The following METTL15 variants were observed in gnomAD, a reference collection of about 807,000 sequenced individuals.
METTL15 encodes the protein methyltransferase 15, mitochondrial 12S rRNA N4-cytidine.
A neutral mutation model predicts 38.3 loss-of-function variants in METTL15; 34 were observed. The ratio of observed to expected loss-of-function variants is 0.89; its 90% CI spans 0.68 to 1.18. METTL15 has a LOEUF of 1.18. Among genes scored for constraint, METTL15 ranks in the 50% most tolerant of loss-of-function variants. The pLI is 0.00. For missense variants in METTL15, 438 were observed against 498.4 expected, an observed-to-expected ratio of 0.88 and a Z score of 1.15; for synonymous variants, 162 against 170.9, an observed-to-expected ratio of 0.95 and a Z score of 0.41.
At chr11:28,227,743 A>G (rs1443093546) in intron 4 of METTL15, among the ~76,000 whole-genome samples, 1 of 151,848 alleles carries the variant, frequency 6.6e-6, no homozygotes, top group Non-Finnish European at 1.5e-5. Context: ...TTTTAAAAGA[A>G]TAGTCTTCTT....
intron 5 of METTL15, among the ~76,000 whole-genome samples, chr11:28,422,840 C>A (rs1409143806): frequency 6.6e-6 from 1 of 151,846 alleles, no homozygotes; most frequent in East Asian, 1.9e-4. Flanking sequence ...CAAAAATGGA[C>A]AAATGGGATC....
chr11:28,450,789 C>A (rs1005677227), intron 6 of METTL15, among the ~76,000 whole-genome samples: 1 of 152,130 alleles, frequency 6.6e-6, no homozygotes, highest in African/African-American at 2.4e-5. Flanking sequence ...CAAAGGCAAT[C>A]GTAATCCTGA....
chr11:28,252,814 C>T (rs539901817), intron 4 of METTL15, among the ~76,000 whole-genome samples: 36 of 152,232 alleles, frequency 2.4e-4, no homozygotes, highest in African/African-American at 6.0e-4. Flanking sequence ...AAGTTGTCCA[C>T]GTCCACTCCC....
intron 6 of METTL15, among the ~76,000 whole-genome samples, chr11:28,328,653 A>T (rs1296482296): frequency 6.6e-6 from 1 of 152,088 alleles, no homozygotes; most frequent in Non-Finnish European, 1.5e-5. Flanking sequence ...TCTATTGAAC[A>T]TTATACATTA....
At chr11:28,342,901 A>C (rs868138186) in intron 3 of METTL15, among the ~76,000 whole-genome samples, 21 of 152,220 alleles carry the variant, frequency 1.4e-4, no homozygotes, top group Admixed American at 9.2e-4. Flanking sequence ...ACATTTGATA[A>C]TGTGCTTTTG....
At chr11:28,450,903 C>A (rs575975895) in intron 6 of METTL15, among the ~76,000 whole-genome samples, 1 of 152,222 alleles carries the variant, frequency 6.6e-6, no homozygotes, top group East Asian at 1.9e-4. Flanking sequence ...CTAATTTAAT[C>A]TATATAATCC....
At chr11:28,461,935 T>G (rs1025633338) in intron 6 of METTL15, among the ~76,000 whole-genome samples, 1 of 152,098 alleles carries the variant, frequency 6.6e-6, no homozygotes, top group Non-Finnish European at 1.5e-5. Flanking sequence ...GAGATCCATC[T>G]TTTGAGAAAA....
intron 5 of METTL15, among the ~76,000 whole-genome samples, chr11:28,293,692 G>A (rs1371752205): frequency 1.3e-5 from 2 of 152,038 alleles, no homozygotes; most frequent in Non-Finnish European, 2.9e-5. Context: ...CCATGAGCAT[G>A]GAATGTTCTT....
At chr11:28,295,132 G>T (rs1856682858) in intron 5 of METTL15, among the ~76,000 whole-genome samples, 1 of 152,064 alleles carries the variant, frequency 6.6e-6, no homozygotes, top group Admixed American at 6.6e-5. Context: ...ATTTATGAAT[G>T]GGGAAGATCT....
chr11:28,365,867 T>C (rs1363627852), intron 5 of METTL15, among the ~76,000 whole-genome samples: 3 of 151,964 alleles, frequency 2.0e-5, no homozygotes, highest in Admixed American at 6.6e-5. Context: ...CTGGCTAACA[T>C]GGTGAAACCC....
Position 28,320,940 on chromosome 11 carries a change from G to A in METTL15, c.779-9456G>A, listed in dbSNP as rs573848954. Reference sequence around the variant, plus strand: ...GAATGTTCCATTAATTTATACATTAGGAAAATTTTATACTTCATTTCGGAT... The same window carrying A: ...GAATGTTCCATTAATTTATACATTAAGAAAATTTTATACTTCATTTCGGAT... On this transcript the variant is annotated intron_variant, in intron 6 of 6. Transcript: ENST00000407364. 8.5e-5 allele frequency among the ~76,000 whole-genome samples: 13 copies of A among 152,060 alleles called. No individual in the cohort carries two copies. The South Asian group carries it at 2.7e-3, about 32-fold the overall frequency.
chr11:28,484,286 A>C (rs1340880739), intron 6 of METTL15, among the ~76,000 whole-genome samples: 5 of 152,194 alleles, frequency 3.3e-5, no homozygotes, highest in Admixed American at 2.6e-4. Flanking sequence ...TAATTTGCCC[A>C]AGATAACATA....
In METTL15 at chr11:28,433,163, G is replaced by GTT. The variant is rs1209820099; in HGVS notation, c.*424+8806_*424+8807dup. On this transcript the variant is annotated intron_variant and NMD_transcript_variant, in intron 6 of 7. Coordinates refer to the METTL15 transcript ENST00000532947. ...CAGGACTTCTCTCAGGTTTTGTTTT[G>GTT]TTTTTTTTGTTTTTTTTTGGCTCTG... Among the ~76,000 whole-genome samples the GTT allele has an allele frequency of 8.3e-3, 774 of 93,678 alleles. 10 individuals carry two copies. The highest frequency in any genetic ancestry group is 0.021 in the African/African-American group (727 of 35,086). The allele number at this position is 93,678 out of a possible 152,430, so 61.5% of individuals were successfully genotyped here.
intron 6 of METTL15, among the ~76,000 whole-genome samples, chr11:28,506,085 C>T (rs990642444): frequency 2.6e-5 from 4 of 152,170 alleles, no homozygotes; most frequent in Admixed American, 2.0e-4. Flanking sequence ...GGCTTCCTTC[C>T]CCCACTACCT....
chr11:28,393,666 G>T (rs544224642), intron 5 of METTL15, among the ~76,000 whole-genome samples: 2 of 152,178 alleles, frequency 1.3e-5, no homozygotes, highest in African/African-American at 4.8e-5. Context: ...CAGAACAAGT[G>T]ATATCAGAGA....
At chr11:28,191,359 T>G (rs1260443919) in intron 3 of METTL15, among the ~76,000 whole-genome samples, 1 of 151,242 alleles carries the variant, frequency 6.6e-6, no homozygotes, top group Non-Finnish European at 1.5e-5. Context: ...AATTTAATAG[T>G]CAACTAAAAT....
chr11:28,181,601 G>T (rs1014541096), intron 3 of METTL15, among the ~76,000 whole-genome samples: 3 of 152,010 alleles, frequency 2.0e-5, no homozygotes, highest in African/African-American at 7.2e-5. Context: ...CATTTTTTAA[G>T]GCTGCATAGT....
chr11:28,157,755 G>A (rs547198430), intron 3 of METTL15, among the ~76,000 whole-genome samples: 50 of 152,220 alleles, frequency 3.3e-4, no homozygotes, highest in African/African-American at 1.2e-3. Flanking sequence ...AGGAAGTGGC[G>A]CAAATGCCCA....
intron 5 of METTL15, among the ~76,000 whole-genome samples, chr11:28,404,917 A>C (rs1850661566): frequency 6.6e-6 from 1 of 152,154 alleles, no homozygotes; most frequent in Non-Finnish European, 1.5e-5. Context: ...AATCTGAAGT[A>C]GAGATTATGA....
Sources: gnomAD v4.1 joint callset for allele counts (sites outside exome capture counted in the v4.1 genomes callset) on GRCh38, gnomAD v4.1.1 for gene constraint, MANE v1.5 for transcripts, NCBI Gene and HGNC (gene_info 2026-07-23, HGNC 2026-07-21) for gene names.